Variants in ROS1 observed in about 807,000 individuals in gnomAD.
ROS1 encodes ROS proto-oncogene 1, receptor tyrosine kinase.
ROS1 carries 263 observed loss-of-function variants against 273.5 expected under a neutral mutation model. The observed-to-expected ratio is 0.96, with a 90% CI of 0.87 to 1.06. The LOEUF is 1.06. Among genes scored for constraint, ROS1 ranks in the 50% least tolerant of loss-of-function variants. ROS1 has a pLI of 0.00. For synonymous variants in ROS1, 1,008 were observed against 954.1 expected, an observed-to-expected ratio of 1.06 and a Z score of -1.04; for missense variants, 2,833 against 2,751.1, an observed-to-expected ratio of 1.03 and a Z score of -0.67.
rs770673743 is a variant in ROS1, at chr6:117,356,924, GAA to G, written c.3840-11_3840-10del. The G allele has an allele frequency of 1.0e-5, 16 of 1,580,100 alleles. No individual in the cohort carries two copies. The South Asian group carries it at 1.6e-4, about 16-fold the overall frequency. On this transcript the variant is annotated splice_polypyrimidine_tract_variant and intron_variant, in intron 25 of 43. Coordinates refer to ENST00000368507, the MANE Select transcript of ROS1 (RefSeq NM_001378902.1). ...CTGTCCAATACAAGCGACTATAGAG[GAA>G]AAAAAAGTCCCCCCAACTTAATGAG...
At chr6:117,344,742 A>G (rs1449302238) in intron 27 of ROS1, among the ~76,000 whole-genome samples, 2 of 152,252 alleles carry the variant, frequency 1.3e-5, no homozygotes, top group East Asian at 3.9e-4. Context: ...GGACTCACTA[A>G]GGATGTTTGG....
intron 41 of ROS1, among the ~76,000 whole-genome samples, 174 bp downstream of exon 41, chr6:117,309,907 C>T (rs1236619989): frequency 6.6e-6 from 1 of 152,028 alleles, no homozygotes; most frequent in Non-Finnish European, 1.5e-5. Flanking sequence ...ACTGCTGAGA[C>T]CCAGGAATAG....
intron 37 of ROS1, among the ~76,000 whole-genome samples, chr6:117,319,546 C>G (rs1776138944): frequency 6.6e-6 from 1 of 151,960 alleles, no homozygotes; most frequent in Non-Finnish European, 1.5e-5. Flanking sequence ...GTTTGCTGAC[C>G]CTTGGTCTAG....
intron 32 of ROS1, among the ~76,000 whole-genome samples, chr6:117,332,968 G>A (rs1263850831): frequency 6.6e-6 from 1 of 151,848 alleles, no homozygotes; most frequent in Admixed American, 6.6e-5. Flanking sequence ...CCAAAAGCTG[G>A]CAGAAGACAA....
intron 18 of ROS1, among the ~76,000 whole-genome samples, chr6:117,378,165 C>T (rs1280307340): frequency 6.6e-6 from 1 of 152,232 alleles, no homozygotes; most frequent in Non-Finnish European, 1.5e-5. Context: ...AGCAATTCTA[C>T]TCCTAGGTAT....
intron 13 of ROS1, among the ~76,000 whole-genome samples, chr6:117,388,854 G>A (rs1352618668): frequency 1.3e-5 from 2 of 152,174 alleles, no homozygotes; most frequent in Non-Finnish European, 2.9e-5. Flanking sequence ...GAGACACAGA[G>A]TGGTTTAGTA....
At chr6:117,300,521 CAGGG>C (rs1350485579) in intron 43 of ROS1, among the ~76,000 whole-genome samples, 1 of 152,042 alleles carries the variant, frequency 6.6e-6, no homozygotes, top group Non-Finnish European at 1.5e-5. Context: ...AGTTGCCTGA[CAGGG>C]AGGGAGGAAG....
intron 32 of ROS1, among the ~76,000 whole-genome samples, chr6:117,331,936 G>T (rs998460007): frequency 3.9e-5 from 6 of 152,048 alleles, no homozygotes; most frequent in Admixed American, 3.9e-4. Flanking sequence ...GCATCAACTA[G>T]CATGCAAAAT....
chr6:117,326,200 G>C (rs774457024), intron 34 of ROS1, 24 bp downstream of exon 34: 1 of 1,488,692 alleles, frequency 6.7e-7, no homozygotes, highest in Non-Finnish European at 9.1e-7. Flanking sequence ...ATAAGCTAGT[G>C]TGTAGACAGA....
intron 5 of ROS1, among the ~76,000 whole-genome samples, chr6:117,407,805 C>T (rs1774541426): frequency 6.6e-6 from 1 of 152,298 alleles, no homozygotes; most frequent in Admixed American, 6.5e-5. Flanking sequence ...CGCTACCTGA[C>T]TTCACATTAT....
chr6:117,321,744 T>G, intron 35 of ROS1, among the ~76,000 whole-genome samples: 1 of 151,706 alleles, frequency 6.6e-6, no homozygotes, highest in East Asian at 1.9e-4. Flanking sequence ...AACATAATTA[T>G]TAGTGAAACA....
At chr6:117,356,015 A>T (rs139215694) in intron 26 of ROS1, among the ~76,000 whole-genome samples, 1 of 152,084 alleles carries the variant, frequency 6.6e-6, no homozygotes, top group Non-Finnish European at 1.5e-5. Flanking sequence ...TAGAGTATAT[A>T]TTTTTTTCTG....
At chr6:117,343,637 C>T (rs1443336986) in intron 28 of ROS1, among the ~76,000 whole-genome samples, 1 of 152,132 alleles carries the variant, frequency 6.6e-6, no homozygotes, top group Non-Finnish European at 1.5e-5. Context: ...ATATAATGTA[C>T]AATTTTTATA....
intron 43 of ROS1, among the ~76,000 whole-genome samples, chr6:117,296,334 G>A (rs1256432116): frequency 2.0e-5 from 3 of 152,048 alleles, no homozygotes; most frequent in Non-Finnish European, 2.9e-5. Flanking sequence ...CTGAAAGGGG[G>A]AGGTTGCAGT....
chr6:117,337,136 C>T (rs2128616467), intron 32 of ROS1, 36 bp downstream of exon 32: 1 of 1,543,786 alleles, frequency 6.5e-7, no homozygotes, highest in African/African-American at 1.4e-5. Flanking sequence ...AACTGAAACA[C>T]AGAGTTTTCT....
intron 16 of ROS1, 110 bp downstream of exon 16, chr6:117,385,573 T>A: frequency 1.1e-6 from 1 of 888,556 alleles, no homozygotes; most frequent in Non-Finnish European, 1.7e-6. Context: ...AAATAAATAA[T>A]AGCATAAGTG....
intron 31 of ROS1, 118 bp downstream of exon 31, chr6:117,341,017 A>T: frequency 1.5e-6 from 1 of 670,078 alleles, no homozygotes; most frequent in Non-Finnish European, 2.5e-6. Flanking sequence ...CCAAACATAA[A>T]TCAATGAAAG....
In ROS1 at chr6:117,357,832, T is replaced by A. The variant is rs1418866423; in HGVS notation, c.3811A>T (p.Ile1271Phe). ...AAAAGAGGATATACAGAAAAAGAAA[T>A]TATTGTTGAATTCCTATTGTGAATC... ...VKIHNRNSTI[I>F]SFSVYPLLSR... is the part of the protein sequence containing the mutation. Residue 1271 changes from isoleucine (I) to phenylalanine (F), a missense_variant, in exon 25 of 44, where the codon ATT becomes TTT. Transcript: ENST00000368507. The A allele has an allele frequency of 1.2e-6, 2 of 1,611,884 alleles. No homozygotes were observed. The highest frequency in any genetic ancestry group is 3.3e-5 in the Admixed American group (2 of 59,966).
intron 42 of ROS1, among the ~76,000 whole-genome samples, chr6:117,308,086 G>A (rs1478492095): frequency 6.6e-6 from 1 of 152,032 alleles, no homozygotes; most frequent in African/African-American, 2.4e-5. Context: ...AACTTCTTGG[G>A]TAAGACAATT....
Sources: gnomAD v4.1 joint callset for allele counts (sites outside exome capture counted in the v4.1 genomes callset) on GRCh38, gnomAD v4.1.1 for gene constraint, MANE v1.5 for transcripts, NCBI Gene and HGNC (gene_info 2026-07-23, HGNC 2026-07-21) for gene names.